Variants in CSMD1 observed in about 807,000 individuals in gnomAD.
CSMD1 encodes CUB and Sushi multiple domains 1.
Under a neutral mutation model 417.5 loss-of-function variants are expected in CSMD1, and 213 were observed. That is an observed-to-expected ratio of 0.51 (90% CI 0.46 to 0.57). The LOEUF (loss-of-function observed/expected upper bound fraction) is 0.57. CSMD1 is among the 20% of genes least tolerant of loss of function. CSMD1 has a pLI of 0.00. For missense variants in CSMD1, 6,923 were observed against 4,529.7 expected, an observed-to-expected ratio of 1.53 and a Z score of -15.17; for synonymous variants, 2,862 against 1,736.8, an observed-to-expected ratio of 1.65 and a Z score of -16.11.
intron 10 of CSMD1, among the ~76,000 whole-genome samples, chr8:3,563,433 A>G (rs1419940114): frequency 3.7e-5 from 5 of 135,786 alleles, no homozygotes; most frequent in African/African-American, 1.1e-4. Context: ...TAGGTAACGT[A>G]TTAAAAGGTA....
At chr8:4,165,660 C>G (rs1797416049) in intron 3 of CSMD1, among the ~76,000 whole-genome samples, 1 of 152,146 alleles carries the variant, frequency 6.6e-6, no homozygotes, top group Admixed American at 6.5e-5. Context: ...ACCTTGGCCT[C>G]CCAAAGTGCC....
intron 3 of CSMD1, among the ~76,000 whole-genome samples, chr8:4,157,464 ACTTC>A (rs1232998937): frequency 6.7e-6 from 1 of 149,462 alleles, no homozygotes; most frequent in African/African-American, 2.5e-5. Context: ...TCCCTCCTTC[ACTTC>A]CTTCCTTCCT....
At chr8:4,129,091 AAC>A (rs779950299) in intron 3 of CSMD1, among the ~76,000 whole-genome samples, 12,348 of 137,614 alleles carry the variant, frequency 0.09, 549 homozygotes, top group Middle Eastern at 0.15. Flanking sequence ...AAAAAAAAAA[AAC>A]AAAACAAAAA....
In CSMD1 at chr8:3,307,751, A is replaced by G. The variant is rs1201473730; in HGVS notation, c.3894T>C (p.Tyr1298=). The G allele has an allele frequency of 6.2e-7, 1 of 1,613,806 alleles. No individual in the cohort carries two copies. Among genetic ancestry groups the G allele is most frequent in the East Asian group, 2.2e-5 (1 of 44,854 alleles). ...RILSPGYPAP[Y]DNNLHCTWII... is the part of the protein sequence containing the mutation. Reference sequence around the variant, plus strand: ...TCCAGGTGCAGTGGAGGTTGTTGTCATACGGAGCTGGATAGCCAGGGGACA... The same window carrying G: ...TCCAGGTGCAGTGGAGGTTGTTGTCGTACGGAGCTGGATAGCCAGGGGACA... The change falls in exon 25 of 70, where the codon TAT becomes TAC. Residue 1298 remains tyrosine, a synonymous_variant. Coordinates refer to ENST00000635120, the MANE Select transcript of CSMD1 (RefSeq NM_033225.6).
intron 39 of CSMD1, among the ~76,000 whole-genome samples, chr8:3,154,148 T>A (rs1165585250): frequency 6.6e-6 from 1 of 152,146 alleles, no homozygotes; most frequent in East Asian, 1.9e-4. Flanking sequence ...AATTTTTGTA[T>A]TTTTAGTAGA....
intron 62 of CSMD1, among the ~76,000 whole-genome samples, chr8:2,960,271 T>C (rs1330369892): frequency 6.6e-6 from 1 of 152,254 alleles, no homozygotes; most frequent in Admixed American, 6.5e-5. Flanking sequence ...AGTATATTAT[T>C]AGCTCCCTGT....
intron 49 of CSMD1, among the ~76,000 whole-genome samples, chr8:3,062,414 C>G (rs1197422390): frequency 2.0e-5 from 3 of 151,938 alleles, no homozygotes; most frequent in African/African-American, 7.3e-5. Flanking sequence ...AAGGAGTAAA[C>G]ACCAGCAACA....
intron 5 of CSMD1, among the ~76,000 whole-genome samples, chr8:3,912,127 T>C (rs1808502898): frequency 6.6e-6 from 1 of 152,186 alleles, no homozygotes; most frequent in Admixed American, 6.5e-5. Context: ...GAGACTGATT[T>C]TCTATTTTTA....
At position 4,788,436 on chromosome 8, in the gene CSMD1, C is replaced by T. The variant is rs572828748; in HGVS notation, c.86-150878G>A. ...ACTACCCAGGGTCTTGGCTGTTCAA[C>T]CACACTTTCTCCAGAAGGATCAGCT... On this transcript the variant is annotated intron_variant, in intron 1 of 69. Transcript: ENST00000635120. 1.8e-5 allele frequency: 24 copies of T among 1,329,488 alleles called. No individual in the cohort carries two copies. The African/African-American group carries it at 3.1e-4, about 17-fold the overall frequency. The allele number at this position is 1,329,488 out of a possible 1,614,324, so 82.4% of individuals were successfully genotyped here. A position where few individuals can be genotyped will look rare whatever the true frequency, so the allele number is the denominator to read the frequency against.
At chr8:3,289,673 G>A (rs1265111635) in intron 25 of CSMD1, among the ~76,000 whole-genome samples, 3 of 139,528 alleles carry the variant, frequency 2.2e-5, no homozygotes, top group Non-Finnish European at 4.5e-5. Context: ...TGATGGGGTT[G>A]TTTGTTTTTT....
intron 2 of CSMD1, among the ~76,000 whole-genome samples, chr8:4,510,389 C>CAAAAAAA (rs1563243981): frequency 9.1e-5 from 1 of 10,958 alleles, no homozygotes; most frequent in African/African-American, 4.1e-4. Flanking sequence ...AGCATAATGC[C>CAAAAAAA]TAAAAAAAAA....
chr8:4,893,955 G>C (rs1813237183), intron 1 of CSMD1, among the ~76,000 whole-genome samples: 1 of 151,970 alleles, frequency 6.6e-6, no homozygotes, highest in Admixed American at 6.6e-5. Context: ...AAAGCTTTTT[G>C]TCTTTTTTTT....
intron 2 of CSMD1, among the ~76,000 whole-genome samples, chr8:4,584,321 C>A (rs2617072): frequency 6.6e-6 from 1 of 151,540 alleles, no homozygotes; most frequent in Non-Finnish European, 1.5e-5. Flanking sequence ...CGCCTATCGC[C>A]GAGTAGTGAG....
chr8:3,366,254 A>G (rs13266581), intron 20 of CSMD1, among the ~76,000 whole-genome samples: 39,280 of 151,994 alleles, frequency 0.26, 5,150 homozygotes, highest in East Asian at 0.33. Context: ...GGGTGGGGGC[A>G]TGCTGGAAAT....
At chr8:3,951,980 C>A (rs968635234) in intron 5 of CSMD1, among the ~76,000 whole-genome samples, 4 of 151,930 alleles carry the variant, frequency 2.6e-5, no homozygotes, top group African/African-American at 9.7e-5. Context: ...GGAAATTTTC[C>A]CTGATTACAC....
chr8:4,864,522 G>A lies in CSMD1; in HGVS notation c.85+129810C>T, dbSNP rs571058748. Among the ~76,000 whole-genome samples, 5 of 151,792 alleles carry A rather than the reference G, an allele frequency of 3.3e-5. No homozygotes were observed. The South Asian group carries it at 1.0e-3, about 31-fold the overall frequency. On this transcript the variant is annotated intron_variant, in intron 1 of 69. Coordinates refer to ENST00000635120, the MANE Select transcript of CSMD1 (RefSeq NM_033225.6). Reference sequence around the variant, plus strand: ...TGATTTCTATTTAGTTTTTGCATATGTGATTTTTTTATGGGCAGAGTGATC... The same window carrying A: ...TGATTTCTATTTAGTTTTTGCATATATGATTTTTTTATGGGCAGAGTGATC...
chr8:3,550,873 G>A (rs1183622976), intron 10 of CSMD1, among the ~76,000 whole-genome samples: 2 of 152,158 alleles, frequency 1.3e-5, no homozygotes, highest in East Asian at 1.9e-4. Flanking sequence ...GCATTCCCAT[G>A]TTGCCAATCT....
At chr8:4,132,724 G>C (rs567909349) in intron 3 of CSMD1, among the ~76,000 whole-genome samples, 2 of 152,222 alleles carry the variant, frequency 1.3e-5, no homozygotes, top group African/African-American at 4.8e-5. Flanking sequence ...GCTGTCATGT[G>C]TGAATCAAAA....
chr8:4,761,930 T>TCTAC (rs1263130242), intron 1 of CSMD1, among the ~76,000 whole-genome samples: 1 of 147,186 alleles, frequency 6.8e-6, no homozygotes, highest in African/African-American at 2.5e-5. Flanking sequence ...TATCTATCTA[T>TCTAC]CTATCTATCT....
Sources: allele counts gnomAD v4.1 joint callset (sites outside exome capture counted in the v4.1 genomes callset), GRCh38; gene constraint gnomAD v4.1.1; transcripts MANE v1.5; gene names NCBI Gene and HGNC (gene_info 2026-07-23, HGNC 2026-07-21).